The following DIP2C variants were observed in gnomAD, a reference collection of about 807,000 sequenced individuals.
The protein encoded by DIP2C is DIP2 acetate--CoA ligase C (putative).
A neutral mutation model predicts 192.4 loss-of-function variants in DIP2C; 33 were observed. That is an observed-to-expected ratio of 0.17 (90% CI 0.13 to 0.23). The LOEUF is 0.23. DIP2C is among the 10% of genes least tolerant of loss of function. The pLI is 1.00. For missense variants in DIP2C, 1,537 were observed against 2,110.1 expected, an observed-to-expected ratio of 0.73 and a Z score of 5.32; for synonymous variants, 979 against 864.1, an observed-to-expected ratio of 1.13 and a Z score of -2.33.
At chr10:418,717 T>C (rs1965972050) in intron 6 of DIP2C, among the ~76,000 whole-genome samples, 1 of 152,262 alleles carries the variant, frequency 6.6e-6, no homozygotes, top group South Asian at 2.1e-4. Context: ...CTCTTCTAAG[T>C]GACTGTTCAT....
chr10:549,148 C>A (rs541543876), intron 1 of DIP2C, among the ~76,000 whole-genome samples: 4 of 152,134 alleles, frequency 2.6e-5, no homozygotes, highest in Admixed American at 2.6e-4. Context: ...TTAAGAGTCC[C>A]CAAAATGCAA....
At chr10:340,759 C>CTCA (rs1285918342) in intron 29 of DIP2C, 1 of 457,632 alleles carries the variant, frequency 2.2e-6, no homozygotes, top group Admixed American at 2.3e-5. Flanking sequence ...CCAGGGAACG[C>CTCA]TCAGCCCTCG....
intron 3 of DIP2C, among the ~76,000 whole-genome samples, chr10:471,913 C>T (rs564619931): frequency 3.2e-4 from 48 of 152,242 alleles, no homozygotes; most frequent in African/African-American, 1.1e-3. Flanking sequence ...CCACCACGCC[C>T]GACAGCCTAA....
At chr10:478,647 G>A (rs563011652) in intron 2 of DIP2C, among the ~76,000 whole-genome samples, 107 of 149,000 alleles carry the variant, frequency 7.2e-4, no homozygotes, top group African/African-American at 2.3e-3. Context: ...AACTCATCCC[G>A]TGTCTGGGCA....
intron 9 of DIP2C, among the ~76,000 whole-genome samples, chr10:400,482 G>A (rs942750572): frequency 6.6e-6 from 1 of 152,242 alleles, no homozygotes; most frequent in Admixed American, 6.5e-5. Flanking sequence ...TACATGTGGG[G>A]TAGCATTAGC....
chr10:522,304 CCA>C (rs1162861025), intron 1 of DIP2C, among the ~76,000 whole-genome samples: 5 of 152,236 alleles, frequency 3.3e-5, no homozygotes, highest in Non-Finnish European at 4.4e-5. Context: ...TTCTGATGTA[CCA>C]CAGTTTATCC....
intron 2 of DIP2C, among the ~76,000 whole-genome samples, chr10:483,386 T>C (rs1359680934): frequency 6.6e-6 from 1 of 152,240 alleles, no homozygotes; most frequent in Non-Finnish European, 1.5e-5. Context: ...TGGAAACGTC[T>C]GCGTTCCTTG....
At chr10:340,986 T>C (rs1273569158) in intron 29 of DIP2C, 1 of 695,724 alleles carries the variant, frequency 1.4e-6, no homozygotes, top group African/African-American at 1.8e-5. Flanking sequence ...AAAATGCTCC[T>C]TCCCTGCTGC....
rs908638354 is a variant in DIP2C at position 293,169 on chromosome 10, A to T, written c.3987-4748T>A. Among the ~76,000 whole-genome samples the T allele has an allele frequency of 2.0e-5, 3 of 152,154 alleles. No homozygotes were observed. In the South Asian group the frequency reaches 6.2e-4, roughly 32 times the overall value. ...GGAGCCCACCCTGCCTGCCCACACC[A>T]CTACTCAGCACTGGCCTGATGGTCA... is the stretch of plus-strand genomic sequence containing the variant. On this transcript the variant is annotated intron_variant, in intron 32 of 36. Coordinates refer to ENST00000280886, the MANE Select transcript of DIP2C (RefSeq NM_014974.3).
chr10:419,401 G>C (rs80221626), intron 5 of DIP2C, among the ~76,000 whole-genome samples: 2,625 of 152,306 alleles, frequency 0.017, 80 homozygotes, highest in African/African-American at 0.06. Flanking sequence ...GCCGCAAATG[G>C]AGCAGAGTTC....
chr10:292,274 A>C (rs1344420749), intron 32 of DIP2C, among the ~76,000 whole-genome samples: 2 of 152,226 alleles, frequency 1.3e-5, no homozygotes, highest in African/African-American at 4.8e-5. Flanking sequence ...AGTTGGTTTT[A>C]AACAGTGCAC....
In DIP2C at chr10:277,170, G is replaced by A; in HGVS notation, c.*155C>T. The A allele has an allele frequency of 8.9e-7, 1 of 1,119,544 alleles. No individual in the cohort carries two copies. Among genetic ancestry groups the A allele is most frequent in the African/African-American group, 1.6e-5 (1 of 64,200 alleles). The allele number at this position is 1,119,544 out of a possible 1,614,324, so 69.4% of individuals were successfully genotyped here. On this transcript the variant is annotated 3_prime_UTR_variant, in exon 37 of 37. Transcript: ENST00000280886. ...TTTCACCCCCATGCCAATCGTGGCT[G>A]CTGTGAGAAGTCCTCTTCCTCCTCC...
At chr10:606,996 T>C (rs1397189361) in intron 1 of DIP2C, among the ~76,000 whole-genome samples, 1 of 152,160 alleles carries the variant, frequency 6.6e-6, no homozygotes, top group Non-Finnish European at 1.5e-5. Flanking sequence ...GTGGCAGAAA[T>C]GCTGCGTGGC....
At chr10:325,144 A>G (rs896870623) in intron 31 of DIP2C, 1 of 338,336 alleles carries the variant, frequency 3.0e-6, no homozygotes, top group Non-Finnish European at 5.8e-6. Flanking sequence ...GAGCACCTGT[A>G]GTCCCAGATG....
intron 32 of DIP2C, among the ~76,000 whole-genome samples, chr10:297,625 G>T (rs1268763472): frequency 6.6e-6 from 1 of 152,204 alleles, no homozygotes; most frequent in Non-Finnish European, 1.5e-5. Context: ...AAAGAAAGAT[G>T]ATTTCATAGA....
chr10:417,658 G>A (rs1160081246), intron 6 of DIP2C, among the ~76,000 whole-genome samples: 31 of 13,270 alleles, frequency 2.3e-3, no homozygotes, highest in Middle Eastern at 0.045. Flanking sequence ...CTGTCCACCT[G>A]TTCCTGTCAG....
At chr10:378,828 C>T (rs1182298033) in intron 17 of DIP2C, among the ~76,000 whole-genome samples, 1 of 151,814 alleles carries the variant, frequency 6.6e-6, no homozygotes, top group Non-Finnish European at 1.5e-5. Flanking sequence ...CAGACATGCA[C>T]AGATGTGAAC....
intron 16 of DIP2C, among the ~76,000 whole-genome samples, 183 bp downstream of exon 16, chr10:383,843 TG>T (rs1962608950): frequency 6.6e-6 from 1 of 152,042 alleles, no homozygotes; most frequent in African/African-American, 2.4e-5. Context: ...GAGTGATTAC[TG>T]TTTGGTGATT....
intron 19 of DIP2C, 78 bp from the exon 20 acceptor site, chr10:364,660 C>T (rs534665000): frequency 2.3e-5 from 34 of 1,473,348 alleles, no homozygotes; most frequent in Middle Eastern, 1.8e-4. Flanking sequence ...CCTGGGAGCA[C>T]GGCACCTGCT....
Sources: gnomAD v4.1 joint callset for allele counts (sites outside exome capture counted in the v4.1 genomes callset) on GRCh38, gnomAD v4.1.1 for gene constraint, MANE v1.5 for transcripts, NCBI Gene and HGNC (gene_info 2026-07-23, HGNC 2026-07-21) for gene names.